PCDHGA6: variants seen among roughly 807,000 people sequenced by gnomAD.
PCDHGA6 encodes the protein protocadherin gamma subfamily A, 6, also known as protocadherin gamma-A6.
PCDHGA6 carries 41 observed loss-of-function variants against 60.6 expected under a neutral mutation model. The ratio of observed to expected loss-of-function variants is 0.68; its 90% CI spans 0.53 to 0.88. The LOEUF (loss-of-function observed/expected upper bound fraction) is 0.88. Ranked by LOEUF, PCDHGA6 falls within the 40% of genes least tolerant of loss-of-function variation. PCDHGA6 has a pLI of 0.00. For missense variants in PCDHGA6, 1,312 were observed against 1,203.0 expected (o/e 1.09, Z -1.34); for synonymous variants, 594 against 524.4 (o/e 1.13, Z -1.81).
chr5:141,476,551 C>A lies in PCDHGA6; in HGVS notation c.2425-18256C>A, dbSNP rs367700651. 6.2e-7 allele frequency: 1 copy of A among 1,614,196 alleles called. No individual in the cohort carries two copies. The highest frequency in any genetic ancestry group is 1.7e-5 in the Admixed American group (1 of 60,028). ...CCCAGGAAATGAAATTGGAGATTAG[C>A]GAGGCCGTGGCTCCGGGGACGCGCT... On this transcript the variant is annotated intron_variant, in intron 1 of 3. Transcript: ENST00000517434. This position sits in a 1 kb window ranked among gnomAD's most constrained non-coding sequence, Gnocchi z 7.6.
chr5:141,431,932 C>T lies in PCDHGA6; in HGVS notation c.2424+55425C>T. 2 of 1,614,172 alleles carry T rather than the reference C, an allele frequency of 1.2e-6. No individual in the cohort carries two copies. The highest frequency in any genetic ancestry group is 1.7e-6 in the Non-Finnish European group (2 of 1,180,002). On this transcript the variant is annotated intron_variant, in intron 1 of 3. Coordinates refer to ENST00000517434, the MANE Select transcript of PCDHGA6 (RefSeq NM_018919.3). This position sits in a 1 kb window ranked among gnomAD's most constrained non-coding sequence, Gnocchi z 4.8. The stretch of plus-strand genomic sequence containing the variant: ...TCTGTTTCATCCAAGGAAATCTGCC[C>T]TTTAAATTAGAAAAATCTTACGGAA...
At chr5:141,383,373 G>A (rs759862188) in intron 1 of PCDHGA6, 2 of 1,614,030 alleles carry the variant, frequency 1.2e-6, no homozygotes, top group South Asian at 2.2e-5. Flanking sequence ...GCGAGGCTGG[G>A]GATCCAGATG....
intron 1 of PCDHGA6, among the ~76,000 whole-genome samples, chr5:141,429,712 C>T (rs998121271): frequency 1.3e-5 from 2 of 151,994 alleles, no homozygotes; most frequent in African/African-American, 2.4e-5. Flanking sequence ...TAAATATTTA[C>T]GCTCATGAAA....
Position 141,510,964 on chromosome 5 carries a change from T to C in PCDHGA6, c.2590T>C (p.Ser864Pro), listed in dbSNP as rs1237904575. 6.2e-7 allele frequency: 1 copy of C among 1,614,084 alleles called. No individual in the cohort carries two copies. Among genetic ancestry groups the C allele is most frequent in the South Asian group, 1.1e-5 (1 of 91,082 alleles). The change falls in exon 4 of 4, where the codon TCC becomes CCC. Residue 864 changes from serine to proline, a missense_variant. Coordinates refer to ENST00000517434, the MANE Select transcript of PCDHGA6 (RefSeq NM_018919.3). ...CTCTGCAGAAGCTGCTGATGGGAGC[T>C]CCACCCTGGGAGGGGGTGCCGGCAC... is the stretch of plus-strand genomic sequence containing the variant. The part of the protein sequence containing the change: ...ASASEAADGS[S>P]TLGGGAGTMG...
chr5:141,484,994 G>A (rs1257915410), intron 1 of PCDHGA6: 4 of 610,330 alleles, frequency 6.6e-6, no homozygotes, highest in Non-Finnish European at 1.2e-5. Context: ...GGTGGTGAAA[G>A]GCAGACAAAT....
rs1562142740 is a variant in PCDHGA6, at chr5:141,490,958, ACT to A, written c.2425-3847_2425-3846del. 1 of 1,613,728 alleles carries A rather than the reference ACT, an allele frequency of 6.2e-7. No homozygotes were observed. Among genetic ancestry groups the A allele is most frequent in the Non-Finnish European group, 8.5e-7 (1 of 1,179,830 alleles). On this transcript the variant is annotated intron_variant, in intron 1 of 3. Transcript: ENST00000517434. The surrounding 1 kb of genome is among the most constrained non-coding windows in gnomAD (Gnocchi z 5.4). Reference sequence around the variant, plus strand: ...CTGCACCCACGGCCAGACTGGGAACACTCAGCCCCCCAGCGTCTCCCTCGCTC... The same window carrying A: ...CTGCACCCACGGCCAGACTGGGAACACAGCCCCCCAGCGTCTCCCTCGCTC...
In PCDHGA6 at chr5:141,409,580, C is replaced by T. The variant is rs969743613; in HGVS notation, c.2424+33073C>T. The T allele has an allele frequency of 3.7e-6, 6 of 1,613,922 alleles. No homozygotes were observed. The Admixed American group carries it at 8.3e-5, about 22-fold the overall frequency. The stretch of plus-strand genomic sequence containing the variant: ...TTTCGACCAGACGTCCTACGTGGTC[C>T]ACGTGGCCGAGAACAACCCGCCAGG... On this transcript the variant is annotated intron_variant, in intron 1 of 3. Transcript: ENST00000517434.
chr5:141,458,549 T>A (rs2098948402), intron 1 of PCDHGA6, among the ~76,000 whole-genome samples: 1 of 148,072 alleles, frequency 6.8e-6, no homozygotes, highest in African/African-American at 2.6e-5. Flanking sequence ...ATTTTGTTTG[T>A]TTGTTTTGGT....
At position 141,489,300 on chromosome 5, in the gene PCDHGA6, C is replaced by T; in HGVS notation, c.2425-5507C>T. 1 of 1,585,700 alleles carries T rather than the reference C, an allele frequency of 6.3e-7. No individual in the cohort carries two copies. The highest frequency in any genetic ancestry group is 1.3e-5 in the African/African-American group (1 of 74,388). On this transcript the variant is annotated intron_variant, in intron 1 of 3. Coordinates refer to ENST00000517434, the MANE Select transcript of PCDHGA6 (RefSeq NM_018919.3). This position sits in a 1 kb window ranked among gnomAD's most constrained non-coding sequence, Gnocchi z 4.5. The stretch of plus-strand genomic sequence containing the variant: ...AATGGCAAGTGCTGTGCATGTTGTC[C>T]TTGTGCTGCTGGGGCTGGGTGTCTG...
intron 3 of PCDHGA6, among the ~76,000 whole-genome samples, chr5:141,509,345 G>A (rs1203328830): frequency 6.6e-6 from 1 of 152,196 alleles, no homozygotes; most frequent in Non-Finnish European, 1.5e-5. Flanking sequence ...GGCCTGGGCT[G>A]GCCTGGGCAT....
intron 1 of PCDHGA6, chr5:141,404,432 GATACC>G: frequency 6.2e-7 from 1 of 1,613,380 alleles, no homozygotes; most frequent in African/African-American, 1.3e-5. Context: ...CTTGGCAGAG[GATACC>G]ATCCAAGGGT....
rs1392651465 is a variant in PCDHGA6, at chr5:141,374,409, T to C, written c.326T>C (p.Leu109Pro). ...SPRCLVSFNI[L>P]VEDKLNLYPV... The stretch of plus-strand genomic sequence containing the variant: ...CGGTGTCTGGTGAGTTTTAACATCC[T>C]TGTCGAGGATAAACTGAATCTTTAT... Residue 109 changes from leucine (L) to proline (P), a missense_variant, in exon 1 of 4, where the codon CTT becomes CCT. Leu to Pro is a moderately conservative substitution (Grantham distance 98, BLOSUM62 -3). Transcript: ENST00000517434. The C allele has an allele frequency of 1.5e-5, 24 of 1,613,920 alleles. No individual in the cohort carries two copies. The highest frequency in any genetic ancestry group is 1.9e-5 in the Non-Finnish European group (23 of 1,179,906).
Position 141,491,057 on chromosome 5 carries a change from CCTA to C in PCDHGA6, c.2425-3747_2425-3745del. On this transcript the variant is annotated intron_variant, in intron 1 of 3. Coordinates refer to ENST00000517434, the MANE Select transcript of PCDHGA6 (RefSeq NM_018919.3). The surrounding 1 kb of genome is among the most constrained non-coding windows in gnomAD (Gnocchi z 6.9). ...GATGCAGGCCACAATGCGTGGCTCTCCTACTCACTGTTGCCACAGTCCACAGCC... is the reference window on the plus strand; with the variant it reads ...GATGCAGGCCACAATGCGTGGCTCTCCTCACTGTTGCCACAGTCCACAGCC... 6.2e-7 allele frequency: 1 copy of C among 1,614,208 alleles called. No homozygotes were observed. The highest frequency in any genetic ancestry group is 8.5e-7 in the Non-Finnish European group (1 of 1,180,022).
chr5:141,459,486 G>A (rs764885682), intron 1 of PCDHGA6, among the ~76,000 whole-genome samples: 8 of 152,154 alleles, frequency 5.3e-5, no homozygotes, highest in Admixed American at 3.9e-4. Context: ...GTGCTATTCT[G>A]AATTAAAGTG....
intron 1 of PCDHGA6, chr5:141,413,715 G>A (rs955570292): frequency 2.5e-6 from 4 of 1,613,472 alleles, no homozygotes; most frequent in Non-Finnish European, 3.4e-6. Context: ...GCCCCAATAA[G>A]CACTTCTCCC....
chr5:141,443,317 C>CAAA (rs35054295), intron 1 of PCDHGA6, among the ~76,000 whole-genome samples: 8 of 142,020 alleles, frequency 5.6e-5, no homozygotes, highest in African/African-American at 2.1e-4. Context: ...CCCATCTCTA[C>CAAA]AAAAAAAAAA....
At chr5:141,460,951 G>GTATATATATA (rs200454978) in intron 1 of PCDHGA6, among the ~76,000 whole-genome samples, 1 of 139,722 alleles carries the variant, frequency 7.2e-6, no homozygotes, top group African/African-American at 2.8e-5. Context: ...TATGTATTAT[G>GTATATATATA]TATATATATA....
intron 1 of PCDHGA6, chr5:141,392,972 G>C (rs2092640426): frequency 6.2e-7 from 1 of 1,613,802 alleles, no homozygotes; most frequent in African/African-American, 1.3e-5. Context: ...AGGACCTGGG[G>C]CTGGACCCCC....
chr5:141,469,213 G>C (rs866405809), intron 1 of PCDHGA6, among the ~76,000 whole-genome samples: 4 of 150,912 alleles, frequency 2.7e-5, no homozygotes, highest in African/African-American at 9.7e-5. Flanking sequence ...TGAAGTTGAG[G>C]CTTCAGTGAG....
Sources: gnomAD v4.1 joint callset for allele counts (sites outside exome capture counted in the v4.1 genomes callset) on GRCh38, gnomAD v4.1.1 for gene constraint, Gnocchi (gnomAD v3.1) non-coding constraint, MANE v1.5 for transcripts, NCBI Gene and HGNC (gene_info 2026-07-23, HGNC 2026-07-21) for gene names.